Variants in LCP2 observed in about 807,000 individuals in gnomAD.
The protein encoded by LCP2 is 76 kDa tyrosine phosphoprotein.
LCP2 carries 29 observed loss-of-function variants against 74.5 expected under a neutral mutation model. The observed-to-expected ratio is 0.39, with a 90% confidence interval of 0.29 to 0.53. LCP2 has a LOEUF of 0.53. Ranked by LOEUF, LCP2 falls within the 20% of genes least tolerant of loss-of-function variation. The probability of loss-of-function intolerance (pLI) is 0.72; values close to 1 mark genes in which losing one functional copy is unlikely to be tolerated. For synonymous variants in LCP2, 228 were observed against 229.5 expected (o/e 0.99, Z 0.06); for missense variants, 604 against 634.6 (o/e 0.95, Z 0.52).
At chr5:170,297,261 A>G (rs952144844) in intron 1 of LCP2, among the ~76,000 whole-genome samples, 16 of 152,134 alleles carry the variant, frequency 1.1e-4, no homozygotes, top group Non-Finnish European at 4.4e-5. Flanking sequence ...GGAGCGCTAA[A>G]TGGGACAGTG....
chr5:170,288,045 G>A (rs759123574), intron 2 of LCP2, 29 bp from the exon 3 acceptor site: 2 of 1,611,032 alleles, frequency 1.2e-6, no homozygotes, highest in East Asian at 4.5e-5. Flanking sequence ...TGGCAGGCAG[G>A]TTACAACCCA....
In LCP2 at chr5:170,275,304, G is replaced by T; in HGVS notation, c.286+16C>A. The T allele has an allele frequency of 6.2e-7, 1 of 1,613,940 alleles. No individual in the cohort carries two copies. The highest frequency in any genetic ancestry group is 8.5e-7 in the Non-Finnish European group (1 of 1,179,818). On this transcript the variant is annotated intron_variant, in intron 5 of 20. Coordinates refer to ENST00000046794, the MANE Select transcript of LCP2 (RefSeq NM_005565.5). ...CACCTCCTAAAGCAATCACCTCTGA[G>T]CCCTGAGAGCTTTACCTGTCTCTTC...
intron 3 of LCP2, among the ~76,000 whole-genome samples, chr5:170,282,895 A>T (rs956105103): frequency 2.0e-5 from 3 of 152,164 alleles, no homozygotes; most frequent in African/African-American, 7.2e-5. Flanking sequence ...TTATACCCCA[A>T]ATAGTAGCAC....
At chr5:170,288,082 A>G in intron 2 of LCP2, 66 bp from the exon 3 acceptor site, 2 of 1,500,620 alleles carry the variant, frequency 1.3e-6, no homozygotes, top group Non-Finnish European at 1.9e-6. Flanking sequence ...CAGGAGGGGA[A>G]GAGTGATACG....
In LCP2 at chr5:170,256,275, T is replaced by C. The variant is rs150454020; in HGVS notation, c.1150+251A>G. ...GTACATGTGTATGCATGTGTGTGTG[T>C]GCATGTATATGTGCATGTGTGTATG... On this transcript the variant is annotated intron_variant, in intron 17 of 20. Transcript: ENST00000046794. This position sits in a 1 kb window ranked among gnomAD's most constrained non-coding sequence, Gnocchi z 4.5. Among the ~76,000 whole-genome samples, 1 of 152,210 alleles carries C rather than the reference T, an allele frequency of 6.6e-6. No individual in the cohort carries two copies.
chr5:170,281,331 G>C (rs917545092), intron 3 of LCP2, among the ~76,000 whole-genome samples: 3 of 152,042 alleles, frequency 2.0e-5, no homozygotes, highest in Admixed American at 6.5e-5. Flanking sequence ...CCAGGCTGGA[G>C]TGCAGTGCCA....
At chr5:170,252,693 C>T (rs1022222539) in intron 18 of LCP2, 182 bp from the exon 19 acceptor site, 35 of 541,870 alleles carry the variant, frequency 6.5e-5, no homozygotes, top group South Asian at 6.2e-4. Flanking sequence ...ATATTTTGTG[C>T]GAACTGCTTT....
In LCP2 at chr5:170,253,228, A is replaced by C. The variant is rs1422087982; in HGVS notation, c.1151-15T>G. On this transcript the variant is annotated splice_polypyrimidine_tract_variant and intron_variant, in intron 17 of 20. Transcript: ENST00000046794. Reference sequence around the variant, plus strand: ...GTTGCTAGGGCCTTCAAAAGTATAGAATTCTGACAGTTAATTTACTGTAAG... The same window carrying C: ...GTTGCTAGGGCCTTCAAAAGTATAGCATTCTGACAGTTAATTTACTGTAAG... 6.5e-7 allele frequency: 1 copy of C among 1,535,742 alleles called. No individual in the cohort carries two copies. The highest frequency in any genetic ancestry group is 1.4e-5 in the African/African-American group (1 of 73,068).
At chr5:170,263,084 CCCTCTTGGGGG>C in intron 10 of LCP2, 92 bp from the exon 11 acceptor site, 1 of 1,459,490 alleles carries the variant, frequency 6.9e-7, no homozygotes, top group Non-Finnish European at 9.5e-7. Context: ...TGAGTCTGAA[CCCTCTTGGGGG>C]TTGATGGGGT....
chr5:170,250,685 CATAA>C (rs773655648), intron 20 of LCP2, 41 bp downstream of exon 20: 114 of 1,515,476 alleles, frequency 7.5e-5, no homozygotes, highest in Non-Finnish European at 1.0e-4. Context: ...TGCAGAGTGG[CATAA>C]ATAAAGACTT....
chr5:170,296,188 G>A (rs571834148), intron 1 of LCP2, among the ~76,000 whole-genome samples: 2 of 152,138 alleles, frequency 1.3e-5, no homozygotes, highest in South Asian at 2.1e-4. Flanking sequence ...CTATATTTGA[G>A]CAAGATATTT....
intron 1 of LCP2, among the ~76,000 whole-genome samples, chr5:170,295,425 C>G (rs1762357389): frequency 6.6e-6 from 1 of 152,222 alleles, no homozygotes; most frequent in East Asian, 1.9e-4. Flanking sequence ...ATCCTCACAA[C>G]CAACCCATTG....
chr5:170,269,001 G>A (rs1003238017), intron 7 of LCP2, among the ~76,000 whole-genome samples: 26 of 119,314 alleles, frequency 2.2e-4, no homozygotes, highest in African/African-American at 8.0e-4. Flanking sequence ...GGTGAAGTCA[G>A]CTCTCACTGC....
Position 170,253,105 on chromosome 5 carries a change from A to G in LCP2, c.1245+14T>C. ...AAAAGGCAAACAAACAAAAATAAAA[A>G]CATGCTCTCTTACCTCTTCCTCCGC... On this transcript the variant is annotated intron_variant, in intron 18 of 20. Transcript: ENST00000046794. 2.6e-6 allele frequency: 4 copies of G among 1,567,068 alleles called. No individual in the cohort carries two copies. Among genetic ancestry groups the G allele is most frequent in the Non-Finnish European group, 3.5e-6 (4 of 1,143,716 alleles).
intron 3 of LCP2, among the ~76,000 whole-genome samples, chr5:170,281,386 T>C (rs1327079436): frequency 1.3e-5 from 2 of 152,006 alleles, no homozygotes; most frequent in Non-Finnish European, 2.9e-5. Context: ...TTCACGCCAT[T>C]CTCCTGCCTC....
intron 3 of LCP2, among the ~76,000 whole-genome samples, chr5:170,277,223 G>A (rs890590946): frequency 3.9e-5 from 6 of 152,018 alleles, no homozygotes; most frequent in Non-Finnish European, 2.9e-5. Flanking sequence ...ACACACCCCT[G>A]TGTCAGTTCC....
At chr5:170,251,774 A>G (rs952899198) in intron 19 of LCP2, 1 of 389,428 alleles carries the variant, frequency 2.6e-6, no homozygotes, top group Non-Finnish European at 5.3e-6. Flanking sequence ...CAGCACCCCC[A>G]GAATAATTAG....
rs1761606022 is a variant in LCP2, at chr5:170,258,849, T to C, written c.970+17A>G. On this transcript the variant is annotated intron_variant, in intron 15 of 20. Transcript: ENST00000046794. ...AAGAATGAGTTATAGGCTGTAAGAATGTGTTTCCGAACATACCATCATCTT... is the reference window on the plus strand; with the variant it reads ...AAGAATGAGTTATAGGCTGTAAGAACGTGTTTCCGAACATACCATCATCTT... 1.3e-6 allele frequency: 2 copies of C among 1,576,430 alleles called. No individual in the cohort carries two copies. The highest frequency in any genetic ancestry group is 2.3e-5 in the South Asian group (2 of 87,092).
chr5:170,262,316 T>C (rs1348207200), intron 13 of LCP2, among the ~76,000 whole-genome samples: 1 of 152,224 alleles, frequency 6.6e-6, no homozygotes, highest in Non-Finnish European at 1.5e-5. Context: ...ACAGTTCCTA[T>C]GCACTGTGAA....
Sources: gnomAD v4.1 joint callset for allele counts (sites outside exome capture counted in the v4.1 genomes callset) on GRCh38, gnomAD v4.1.1 for gene constraint, Gnocchi (gnomAD v3.1) non-coding constraint, MANE v1.5 for transcripts, NCBI Gene and HGNC (gene_info 2026-07-23, HGNC 2026-07-21) for gene names.